Variants in PARD3B observed in about 807,000 individuals in gnomAD.
The protein encoded by PARD3B is par-3 family cell polarity regulator beta.
Under a neutral mutation model 130.2 loss-of-function variants are expected in PARD3B, and 103 were observed. The ratio of observed to expected loss-of-function variants is 0.79; its 90% CI spans 0.67 to 0.93. PARD3B has a LOEUF of 0.93. PARD3B is among the 40% of genes least tolerant of loss of function. The pLI is 0.00. For missense variants in PARD3B, 1,609 were observed against 1,499.2 expected, an observed-to-expected ratio of 1.07 and a Z score of -1.21; for synonymous variants, 583 against 553.2, an observed-to-expected ratio of 1.05 and a Z score of -0.76.
At chr2:204,558,642 C>T (rs1027752451) in intron 1 of PARD3B, among the ~76,000 whole-genome samples, 1 of 152,160 alleles carries the variant, frequency 6.6e-6, no homozygotes, top group Non-Finnish European at 1.5e-5. Context: ...GATTCAGTGC[C>T]ATCCCCATCA....
At chr2:204,755,344 T>C (rs2040622011) in intron 2 of PARD3B, among the ~76,000 whole-genome samples, 1 of 152,058 alleles carries the variant, frequency 6.6e-6, no homozygotes, top group Non-Finnish European at 1.5e-5. Context: ...AAATATGAAA[T>C]TGATGATTCT....
At chr2:204,794,819 G>A (rs753507427) in intron 2 of PARD3B, among the ~76,000 whole-genome samples, 2 of 152,158 alleles carry the variant, frequency 1.3e-5, no homozygotes, top group South Asian at 2.1e-4. Context: ...AATATATTGC[G>A]ACACTGAGTT....
At chr2:204,571,867 CTTAA>C (rs752731838) in intron 1 of PARD3B, among the ~76,000 whole-genome samples, 5 of 152,064 alleles carry the variant, frequency 3.3e-5, no homozygotes, top group Non-Finnish European at 5.9e-5. Flanking sequence ...TATTACTGTC[CTTAA>C]TTAAATAATG....
intron 2 of PARD3B, among the ~76,000 whole-genome samples, chr2:204,736,489 C>G (rs991103615): frequency 1.3e-5 from 2 of 152,096 alleles, no homozygotes; most frequent in African/African-American, 4.8e-5. Flanking sequence ...TTTGCGTACT[C>G]ATAGCTTAAC....
chr2:204,643,115 C>CTAA (rs557257879), intron 1 of PARD3B, among the ~76,000 whole-genome samples: 1 of 31,826 alleles, frequency 3.1e-5, no homozygotes, highest in African/African-American at 9.8e-5. Flanking sequence ...CTCTGTCTCA[C>CTAA]AAAAAAAAAA....
intron 21 of PARD3B, among the ~76,000 whole-genome samples, chr2:205,511,151 A>C (rs2050574513): frequency 6.6e-6 from 1 of 150,922 alleles, no homozygotes; most frequent in Admixed American, 6.6e-5. Context: ...ACTCCTCTTA[A>C]TTTGTTTTTG....
At chr2:204,801,526 G>C (rs1011939645) in intron 2 of PARD3B, among the ~76,000 whole-genome samples, 1 of 152,060 alleles carries the variant, frequency 6.6e-6, no homozygotes, top group Non-Finnish European at 1.5e-5. Context: ...TTGGTGTATA[G>C]GAATGCTTGA....
intron 18 of PARD3B, among the ~76,000 whole-genome samples, chr2:205,304,244 C>T (rs967388925): frequency 3.6e-4 from 55 of 152,140 alleles, no homozygotes; most frequent in African/African-American, 1.2e-3. Flanking sequence ...GATGTTGCCC[C>T]TGGATGTGTT....
chr2:205,217,162 G>A (rs1002996095), intron 15 of PARD3B, among the ~76,000 whole-genome samples: 1 of 152,164 alleles, frequency 6.6e-6, no homozygotes, highest in African/African-American at 2.4e-5. Context: ...GTCACATACT[G>A]TCTAGCCAGA....
At chr2:204,903,057 G>C (rs1002099945) in intron 2 of PARD3B, among the ~76,000 whole-genome samples, 1 of 152,098 alleles carries the variant, frequency 6.6e-6, no homozygotes, top group Non-Finnish European at 1.5e-5. Flanking sequence ...TTGAGTGAGA[G>C]GAAAAGATTT....
intron 1 of PARD3B, among the ~76,000 whole-genome samples, chr2:204,575,417 A>G (rs1334039780): frequency 1.3e-5 from 2 of 152,206 alleles, no homozygotes; most frequent in Non-Finnish European, 2.9e-5. Flanking sequence ...TTCAGAAAAT[A>G]TGATATGTAG....
chr2:205,115,929 ATTTT>A (rs910016984), intron 6 of PARD3B, among the ~76,000 whole-genome samples: 3 of 152,002 alleles, frequency 2.0e-5, no homozygotes, highest in African/African-American at 7.2e-5. Context: ...CCTCCAATGT[ATTTT>A]TTTATTTTTT....
Position 205,562,895 on chromosome 2 carries a change from T to C in PARD3B, c.3260+9492T>C, listed in dbSNP as rs2053189279. Among the ~76,000 whole-genome samples the C allele has an allele frequency of 6.6e-6, 1 of 152,218 alleles. No homozygotes were observed. The highest frequency in any genetic ancestry group is 2.4e-5 in the African/African-American group (1 of 41,460). On this transcript the variant is annotated intron_variant, in intron 22 of 22. Transcript: ENST00000406610. This position sits in a 1 kb window ranked among gnomAD's most constrained non-coding sequence, Gnocchi z 5.4. ...TGCACTGTCCCTTGATTCAAGTTCCTGGGTTTGCTGTGTATAGGTATCTTA... is the reference window on the plus strand; with the variant it reads ...TGCACTGTCCCTTGATTCAAGTTCCCGGGTTTGCTGTGTATAGGTATCTTA...
intron 2 of PARD3B, among the ~76,000 whole-genome samples, chr2:204,903,288 T>C (rs2046933145): frequency 6.6e-6 from 1 of 152,192 alleles, no homozygotes; most frequent in Admixed American, 6.5e-5. Context: ...TTCTTATGAC[T>C]CAGAGTGAAA....
chr2:205,465,073 G>T (rs969103482), intron 20 of PARD3B, among the ~76,000 whole-genome samples: 15 of 152,182 alleles, frequency 9.9e-5, no homozygotes, highest in African/African-American at 3.6e-4. Context: ...AGTTGTTTAT[G>T]TTAGCATGTT....
At chr2:204,816,170 A>G (rs1327450875) in intron 2 of PARD3B, among the ~76,000 whole-genome samples, 1 of 151,990 alleles carries the variant, frequency 6.6e-6, no homozygotes, top group Non-Finnish European at 1.5e-5. Flanking sequence ...TTGTAATAGC[A>G]TGTTTCAGTT....
intron 2 of PARD3B, among the ~76,000 whole-genome samples, chr2:204,953,771 T>C (rs1045460682): frequency 3.9e-5 from 6 of 152,220 alleles, no homozygotes; most frequent in African/African-American, 1.2e-4. Context: ...AAAACTTGTG[T>C]TCCGTTATTT....
chr2:204,851,511 A>G (rs2044705938), intron 2 of PARD3B, among the ~76,000 whole-genome samples: 1 of 152,194 alleles, frequency 6.6e-6, no homozygotes, highest in Non-Finnish European at 1.5e-5. Flanking sequence ...ACAGAGTTTT[A>G]TTCTAACATT....
intron 2 of PARD3B, among the ~76,000 whole-genome samples, chr2:204,823,378 AATAAT>A (rs1348323133): frequency 6.6e-6 from 1 of 151,876 alleles, no homozygotes; most frequent in African/African-American, 2.4e-5. Flanking sequence ...TTTTCAATAA[AATAAT>A]ATATATTATT....
Sources: gnomAD v4.1 joint callset for allele counts (sites outside exome capture counted in the v4.1 genomes callset) on GRCh38, gnomAD v4.1.1 for gene constraint, Gnocchi (gnomAD v3.1) non-coding constraint, MANE v1.5 for transcripts, NCBI Gene and HGNC (gene_info 2026-07-23, HGNC 2026-07-21) for gene names.